Variants in LINGO2 observed in about 807,000 individuals in gnomAD.
LINGO2 encodes leucine rich repeat and Ig domain containing 2, also known as leucine-rich repeat and immunoglobulin-like domain-containing nogo receptor-interacting protein 2.
LINGO2 carries 14 observed loss-of-function variants against 30.6 expected under a neutral mutation model. The ratio of observed to expected loss-of-function variants is 0.46; its 90% CI spans 0.30 to 0.72. LINGO2 has a LOEUF of 0.72. LINGO2 is among the 30% of genes least tolerant of loss of function. LINGO2 has a pLI of 0.07. For missense variants in LINGO2, 729 were observed against 751.7 expected (o/e 0.97, Z 0.35); for synonymous variants, 317 against 288.5 (o/e 1.10, Z -1.00).
chr9:28,921,991 GT>G, the LINGO2 span, among the ~76,000 whole-genome samples: 4 of 152,224 alleles, frequency 2.6e-5, no homozygotes, highest in South Asian at 8.3e-4. Context: ...CAGTCTCTAG[GT>G]TCCTGTCACT....
At chr9:27,948,624 G>T in exon 6 of LINGO2, 2 of 472,210 alleles carry the variant, frequency 4.2e-6, no homozygotes, top group Non-Finnish European at 3.7e-6. Flanking sequence ...GCCAATATTT[G>T]CAACGCAAAC....
chr9:28,612,263 A>G (rs949509779), intron 1 of LINGO2, among the ~76,000 whole-genome samples: 9 of 152,074 alleles, frequency 5.9e-5, no homozygotes, highest in African/African-American at 2.2e-4. Flanking sequence ...AGTTCTTGCT[A>G]TATTGTGTAG....
intron 2 of LINGO2, among the ~76,000 whole-genome samples, chr9:28,443,960 C>A (rs1397231012): frequency 6.6e-6 from 1 of 152,112 alleles, no homozygotes; most frequent in African/African-American, 2.4e-5. Flanking sequence ...CCAGTCCCAC[C>A]CATGGCTGTC....
At chr9:29,123,029 A>G in the LINGO2 span, among the ~76,000 whole-genome samples, 20 of 152,204 alleles carry the variant, frequency 1.3e-4, no homozygotes, top group South Asian at 4.1e-3. Flanking sequence ...TTCATTTCCA[A>G]GTGAAACTCA....
the LINGO2 span, among the ~76,000 whole-genome samples, chr9:28,756,057 C>G: frequency 6.6e-6 from 1 of 152,000 alleles, no homozygotes; most frequent in Admixed American, 6.6e-5. Flanking sequence ...AAGACTGTAA[C>G]TCATTTGGAG....
the LINGO2 span, among the ~76,000 whole-genome samples, chr9:29,053,936 C>T: frequency 1.3e-5 from 2 of 151,850 alleles, no homozygotes; most frequent in Non-Finnish European, 2.9e-5. Context: ...AAAGGAGACA[C>T]AGAAAGATGC....
intron 2 of LINGO2, among the ~76,000 whole-genome samples, chr9:28,434,364 G>C: frequency 6.7e-6 from 1 of 149,186 alleles, no homozygotes; most frequent in East Asian, 2.0e-4. Context: ...AAAAAAAAGA[G>C]AGAAGAGTCT....
chr9:28,281,198 G>A (rs979053001), intron 4 of LINGO2, among the ~76,000 whole-genome samples: 108 of 152,068 alleles, frequency 7.1e-4, no homozygotes, highest in African/African-American at 2.4e-3. Context: ...TGTAAATGTC[G>A]CTCTCTGCTA....
the LINGO2 span, among the ~76,000 whole-genome samples, chr9:28,980,471 A>T: frequency 6.6e-6 from 1 of 152,034 alleles, no homozygotes; most frequent in South Asian, 2.1e-4. Flanking sequence ...ACCCCTCCCC[A>T]GTTACACCTT....
At chr9:28,125,709 G>T (rs1827217597) in intron 4 of LINGO2, among the ~76,000 whole-genome samples, 1 of 152,136 alleles carries the variant, frequency 6.6e-6, no homozygotes, top group Admixed American at 6.5e-5. Context: ...AAAAAAAATT[G>T]AGTGACCTTC....
chr9:28,619,889 G>T (rs1051884458), intron 1 of LINGO2, among the ~76,000 whole-genome samples: 2 of 152,070 alleles, frequency 1.3e-5, no homozygotes, highest in African/African-American at 4.8e-5. Context: ...AATAAGAAAT[G>T]CACTTGTTTC....
At chr9:28,393,444 C>T (rs568127164) in intron 2 of LINGO2, among the ~76,000 whole-genome samples, 2 of 152,282 alleles carry the variant, frequency 1.3e-5, no homozygotes, top group Non-Finnish European at 1.5e-5. Flanking sequence ...ACAGGCAGTA[C>T]TTAAGCCTGC....
the LINGO2 span, among the ~76,000 whole-genome samples, chr9:28,786,165 G>A: frequency 6.6e-6 from 1 of 152,130 alleles, no homozygotes; most frequent in African/African-American, 2.4e-5. Flanking sequence ...GCATTGATTG[G>A]TGGAGTTGTC....
At chr9:28,188,312 C>T (rs1259982622) in intron 4 of LINGO2, among the ~76,000 whole-genome samples, 11 of 151,226 alleles carry the variant, frequency 7.3e-5, no homozygotes, top group Admixed American at 7.2e-4. Context: ...ACAAAATAAG[C>T]ATTTTTTCTT....
chr9:28,093,584 ATTAATGTCAGACACATTATGACACCTTT>A (rs1214930058), intron 4 of LINGO2, among the ~76,000 whole-genome samples: 2 of 152,064 alleles, frequency 1.3e-5, no homozygotes, highest in African/African-American at 4.8e-5. Context: ...CTAATTAATT[ATTAATGTCAGACACATTATGACACCTTT>A]TTAACCGTCA....
intron 4 of LINGO2, among the ~76,000 whole-genome samples, chr9:28,109,330 CA>C (rs1826699810): frequency 6.6e-6 from 1 of 151,854 alleles, no homozygotes; most frequent in African/African-American, 2.4e-5. Flanking sequence ...CTTTGAAAAC[CA>C]GCCAAGACAA....
chr9:29,025,931 G>C, the LINGO2 span, among the ~76,000 whole-genome samples: 2 of 152,098 alleles, frequency 1.3e-5, no homozygotes, highest in African/African-American at 2.4e-5. Context: ...TTAACAAAAT[G>C]TCTCCCAGGT....
At chr9:28,878,662 T>C in the LINGO2 span, among the ~76,000 whole-genome samples, 1 of 152,182 alleles carries the variant, frequency 6.6e-6, no homozygotes, top group Non-Finnish European at 1.5e-5. Flanking sequence ...GCTTCATCCC[T>C]GGGATGCAAG....
At chr9:28,089,754 C>CA (rs1826020848) in intron 4 of LINGO2, among the ~76,000 whole-genome samples, 1 of 151,878 alleles carries the variant, frequency 6.6e-6, no homozygotes, top group East Asian at 1.9e-4. Flanking sequence ...AAAAGCCCTT[C>CA]AAAAAAATCA....
Sources: allele counts gnomAD v4.1 joint callset (sites outside exome capture counted in the v4.1 genomes callset), GRCh38; gene constraint gnomAD v4.1.1; transcripts MANE v1.5; gene names NCBI Gene and HGNC (gene_info 2026-07-23, HGNC 2026-07-21).